Variants in FANCA observed in about 807,000 individuals in gnomAD.
FANCA encodes Fanconi anemia group A protein.
In FANCA, 236 loss-of-function variants were observed where a neutral mutation model predicts 194.3. The observed-to-expected ratio is 1.21, with a 90% CI of 1.09 to 1.35. The LOEUF (loss-of-function observed/expected upper bound fraction) is 1.35. Among genes scored for constraint, FANCA ranks in the 40% most tolerant of loss-of-function variants. The pLI is 0.00. For missense variants in FANCA, 2,628 were observed against 1,813.9 expected (o/e 1.45, Z -8.15); for synonymous variants, 1,014 against 715.8 (o/e 1.42, Z -6.65).
chr16:89,806,367 T>TTTTTA (rs1555571790), intron 6 of FANCA, among the ~76,000 whole-genome samples: 1 of 149,264 alleles, frequency 6.7e-6, no homozygotes, highest in Non-Finnish European at 1.5e-5. Flanking sequence ...TTTTTTTTTT[T>TTTTTA]AATTGATCAT....
chr16:89,812,125 G>A lies in FANCA; in HGVS notation c.284-1054C>T, dbSNP rs904024392. ...CCGAGGCGGGCGGATTACAAGGTCAGGAGATCGAGACCATCCTGGCTAACA... is the reference window on the plus strand; with the variant it reads ...CCGAGGCGGGCGGATTACAAGGTCAAGAGATCGAGACCATCCTGGCTAACA... On this transcript the variant is annotated intron_variant, in intron 3 of 42. Coordinates refer to ENST00000389301, the MANE Select transcript of FANCA (RefSeq NM_000135.4). Among the ~76,000 whole-genome samples, 141 of 146,678 alleles carry A rather than the reference G, an allele frequency of 9.6e-4. 1 individual carries two copies. Among genetic ancestry groups the A allele is most frequent in the Non-Finnish European group, 9.2e-4 (61 of 66,218 alleles).
intron 27 of FANCA, among the ~76,000 whole-genome samples, chr16:89,766,130 G>A (rs2039119573): frequency 6.6e-6 from 1 of 151,706 alleles, no homozygotes; most frequent in Non-Finnish European, 1.5e-5. Context: ...CCAAGTAGCT[G>A]GGATTACAGG....
intron 5 of FANCA, among the ~76,000 whole-genome samples, chr16:89,809,858 A>G (rs1314783113): frequency 2.0e-5 from 3 of 151,148 alleles, no homozygotes; most frequent in African/African-American, 7.3e-5. Flanking sequence ...CATCTCAAAA[A>G]AAAAAAAAGA....
At chr16:89,741,513 T>C (rs1192152120) in intron 37 of FANCA, among the ~76,000 whole-genome samples, 2 of 152,202 alleles carry the variant, frequency 1.3e-5, no homozygotes, top group African/African-American at 2.4e-5. Flanking sequence ...TCCAGCTCTC[T>C]TGTGGGATGC....
rs1249433960 is a variant in FANCA, at chr16:89,802,951, CAGA to C, written c.792+305_792+307del. The stretch of plus-strand genomic sequence containing the variant: ...TAATGGGTACAAACATACAGCTAGA[CAGA>C]AGAAGTAAGTTCTAATGTTCCACAG... On this transcript the variant is annotated intron_variant, in intron 8 of 42. Transcript: ENST00000389301. Among the ~76,000 whole-genome samples, 17 of 152,230 alleles carry C rather than the reference CAGA, an allele frequency of 1.1e-4. No homozygotes were observed. The East Asian group carries it at 3.1e-3, about 28-fold the overall frequency.
At chr16:89,798,074 C>T (rs1431520704) in intron 10 of FANCA, among the ~76,000 whole-genome samples, 3 of 152,112 alleles carry the variant, frequency 2.0e-5, no homozygotes, top group Non-Finnish European at 4.4e-5. Context: ...TGTTGAAGCC[C>T]AGCCTCTCAA....
In FANCA at chr16:89,749,718, A is replaced by C. The variant is rs773879568; in HGVS notation, c.3239+12T>G. 1.9e-6 allele frequency: 3 copies of C among 1,612,252 alleles called. No homozygotes were observed. Among genetic ancestry groups the C allele is most frequent in the South Asian group, 2.2e-5 (2 of 90,762 alleles). ...GGTGGTGCTGCCCTGCCCAGGTGGTAGTAGGTGTTACCGTTTGTACATTAG... is the reference window on the plus strand; with the variant it reads ...GGTGGTGCTGCCCTGCCCAGGTGGTCGTAGGTGTTACCGTTTGTACATTAG... On this transcript the variant is annotated intron_variant, in intron 32 of 42. Coordinates refer to ENST00000389301, the MANE Select transcript of FANCA (RefSeq NM_000135.4).
chr16:89,773,082 G>C (rs1246978863), intron 22 of FANCA, among the ~76,000 whole-genome samples, 189 bp downstream of exon 22: 3 of 152,184 alleles, frequency 2.0e-5, no homozygotes, highest in Non-Finnish European at 4.4e-5. Context: ...GACAGCTTCA[G>C]TAGGACTAGC....
chr16:89,798,142 G>C (rs776665775), intron 10 of FANCA, among the ~76,000 whole-genome samples: 3 of 152,112 alleles, frequency 2.0e-5, no homozygotes, highest in Non-Finnish European at 4.4e-5. Context: ...GAAGACACCA[G>C]AGGGCTTGCT....
At chr16:89,816,482 G>A (rs777904025) in intron 1 of FANCA, 55 bp downstream of exon 1, 1 of 1,421,824 alleles carries the variant, frequency 7.0e-7, no homozygotes, top group South Asian at 1.4e-5. Context: ...GGGAACCGGC[G>A]AAACCGTCCC....
In FANCA at chr16:89,814,391, G is replaced by T; in HGVS notation, c.283+129C>A. 4 of 638,596 alleles carry T rather than the reference G, an allele frequency of 6.3e-6. 1 individual carries two copies. In the South Asian group the frequency reaches 7.6e-5, roughly 12 times the overall value. The allele number at this position is 638,596 out of a possible 1,614,324, so 39.6% of individuals were successfully genotyped here. A position where few individuals can be genotyped will look rare whatever the true frequency, so the allele number is the denominator to read the frequency against. ...GTCACACAAACATCCCATAGAATTTGCGACTACACACACCAGTGGAAACCC... is the reference window on the plus strand; with the variant it reads ...GTCACACAAACATCCCATAGAATTTTCGACTACACACACCAGTGGAAACCC... On this transcript the variant is annotated intron_variant, in intron 3 of 42. Coordinates refer to ENST00000389301, the MANE Select transcript of FANCA (RefSeq NM_000135.4).
rs1376774812 is a variant in FANCA, at chr16:89,770,249, A to G, written c.2233T>C (p.Trp745Arg). ...SVAPPERQGPWAALFVRTMCG... is the reference protein window; with the variant it reads ...SVAPPERQGPRAALFVRTMCG... ...ATGGTCCTCACGAAGAGGGCAGCCC[A>G]GGGACCCTGCCTGCAGAGACAGCCG... Residue 745 changes from tryptophan (W) to arginine (R), a missense_variant, in exon 25 of 43, where the codon TGG (tryptophan) becomes CGG (arginine). Transcript: ENST00000389301. 6.3e-7 allele frequency: 1 copy of G among 1,578,240 alleles called. No individual in the cohort carries two copies. Among genetic ancestry groups the G allele is most frequent in the Non-Finnish European group, 8.6e-7 (1 of 1,161,998 alleles).
chr16:89,796,712 G>A (rs531533702), intron 10 of FANCA, among the ~76,000 whole-genome samples: 11 of 152,242 alleles, frequency 7.2e-5, no homozygotes, highest in African/African-American at 2.4e-4. Context: ...ACTTTATGCC[G>A]ATTCCCCAGG....
intron 9 of FANCA, 56 bp from the exon 10 acceptor site, chr16:89,799,288 A>G: frequency 1.9e-6 from 3 of 1,604,744 alleles, no homozygotes; most frequent in Non-Finnish European, 2.6e-6. Context: ...GCAGCCCACC[A>G]GAAACAATCC....
In FANCA at chr16:89,782,294, A is replaced by G. The variant is rs535832911; in HGVS notation, c.1626+565T>C. ...TGAGAGGCCAAGGCGGGCGGATCAC[A>G]AGGTCAGGAGATTGAGACCATTCTG... On this transcript the variant is annotated intron_variant, in intron 17 of 42. Transcript: ENST00000389301. Among the ~76,000 whole-genome samples, 190 of 149,986 alleles carry G rather than the reference A, an allele frequency of 1.3e-3. 1 individual carries two copies. Among genetic ancestry groups the G allele is most frequent in the Non-Finnish European group, 2.5e-3 (165 of 66,778 alleles).
At chr16:89,790,385 C>A (rs1567634609) in intron 14 of FANCA, among the ~76,000 whole-genome samples, 1 of 148,808 alleles carries the variant, frequency 6.7e-6, no homozygotes. Flanking sequence ...TAGAATGAGA[C>A]TCCACCTCAA....
chr16:89,750,686 T>C (rs1432868842), intron 31 of FANCA, among the ~76,000 whole-genome samples: 2 of 151,774 alleles, frequency 1.3e-5, no homozygotes, highest in African/African-American at 2.4e-5. Context: ...GGCAGGAGAA[T>C]AGTTTGAACC....
chr16:89,799,343 C>A, intron 9 of FANCA, 111 bp from the exon 10 acceptor site: 2 of 1,244,324 alleles, frequency 1.6e-6, no homozygotes, highest in East Asian at 2.4e-5. Flanking sequence ...CCCCAGAGGG[C>A]CCACATCCAT....
chr16:89,799,995 GA>G (rs1035530664), intron 8 of FANCA, among the ~76,000 whole-genome samples: 2 of 151,990 alleles, frequency 1.3e-5, no homozygotes, highest in African/African-American at 4.8e-5. Flanking sequence ...CTCCGTCTCG[GA>G]AAAAAGAAAA....
Sources: gnomAD v4.1 joint callset for allele counts (sites outside exome capture counted in the v4.1 genomes callset) on GRCh38, gnomAD v4.1.1 for gene constraint, MANE v1.5 for transcripts, NCBI Gene and HGNC (gene_info 2026-07-23, HGNC 2026-07-21) for gene names.